SLC2A14: variants seen among roughly 807,000 people sequenced by gnomAD.
SLC2A14 encodes the protein solute carrier family 2, facilitated glucose transporter member 14.
SLC2A14 carries 13 observed loss-of-function variants against 43.0 expected under a neutral mutation model. That is an observed-to-expected ratio of 0.30 (90% confidence interval 0.20 to 0.48). The LOEUF is 0.48. SLC2A14 is among the 20% of genes least tolerant of loss of function. The probability of loss-of-function intolerance (pLI) is 0.99; values close to 1 mark genes in which losing one functional copy is unlikely to be tolerated. For missense variants in SLC2A14, 428 were observed against 620.4 expected, an observed-to-expected ratio of 0.69 and a Z score of 3.29; for synonymous variants, 190 against 233.8, an observed-to-expected ratio of 0.81 and a Z score of 1.71.
Position 7,829,904 on chromosome 12 carries a change from G to GCGGCC in SLC2A14, c.370_374dup (p.Leu126AlafsTer28). ...GTCCGCAGAAGAGGCCAATAACCAA[G>GCGGCC]CGGCCCAGGATCAGCATTTCAACTG... On this transcript the variant is annotated frameshift_variant, in exon 5 of 11. Coordinates refer to ENST00000431042, the MANE Select transcript of SLC2A14 (RefSeq NM_001286234.2). LOFTEE classifies it high-confidence loss of function. 1 of 1,614,192 alleles carries GCGGCC rather than the reference G, an allele frequency of 6.2e-7. No homozygotes were observed. The highest frequency in any genetic ancestry group is 8.5e-7 in the Non-Finnish European group (1 of 1,180,038).
intron 1 of SLC2A14, among the ~76,000 whole-genome samples, chr12:7,882,839 A>C (rs1055366088): frequency 6.6e-6 from 1 of 151,854 alleles, no homozygotes; most frequent in Non-Finnish European, 1.5e-5. Flanking sequence ...GTCTCAAAAA[A>C]ATTTGCTTGA....
upstream of SLC2A14, among the ~76,000 whole-genome samples, chr12:7,878,144 G>A (rs1283529367): frequency 6.6e-6 from 1 of 152,070 alleles, no homozygotes; most frequent in Admixed American, 6.6e-5. Flanking sequence ...TCTGCCTCCT[G>A]GGTTCAAGGA....
intron 1 of SLC2A14, chr12:7,872,031 T>G: frequency 2.5e-6 from 1 of 405,960 alleles, no homozygotes; most frequent in Non-Finnish European, 3.3e-6. Context: ...TAACTCAGAT[T>G]AATTCTTCTT....
rs972032956 is a variant in SLC2A14 at position 7,889,782 on chromosome 12, C to T, written c.132+1214G>A. 2.6e-5 allele frequency among the ~76,000 whole-genome samples: 4 copies of T among 152,186 alleles called. No individual in the cohort carries two copies. In the East Asian group the frequency reaches 7.7e-4, roughly 29 times the overall value. ...AACTCCTGACCTCAGGTGATCCACC[C>T]GCCTTGGCCTCCCAAAGTGCTGGGA... On this transcript the variant is annotated intron_variant, in intron 1 of 9. Coordinates refer to the SLC2A14 transcript ENST00000539924.
intron 2 of SLC2A14, among the ~76,000 whole-genome samples, chr12:7,858,131 C>T (rs1565558354): frequency 1.3e-5 from 2 of 152,128 alleles, no homozygotes; most frequent in East Asian, 3.9e-4. Context: ...AAACTCTTAT[C>T]TGAAAAAAAA....
chr12:7,869,985 C>T, intron 1 of SLC2A14, 48 bp from the exon 2 acceptor site: 2 of 1,232,850 alleles, frequency 1.6e-6, no homozygotes, highest in East Asian at 5.1e-5. Flanking sequence ...TCTACTTAAG[C>T]TCCTTGAGGG....
At chr12:7,882,088 G>C (rs755504192) in intron 1 of SLC2A14, among the ~76,000 whole-genome samples, 1 of 152,208 alleles carries the variant, frequency 6.6e-6, no homozygotes, top group Non-Finnish European at 1.5e-5. Flanking sequence ...TCTACACTTG[G>C]AGGCTTTGTT....
intron 1 of SLC2A14, among the ~76,000 whole-genome samples, chr12:7,883,963 G>A (rs761886317): frequency 3.4e-5 from 5 of 147,950 alleles, no homozygotes; most frequent in East Asian, 2.1e-4. Context: ...TTGGTCTGTC[G>A]CCCAGGCTGG....
At chr12:7,851,129 G>GT (rs1866908806) in intron 2 of SLC2A14, among the ~76,000 whole-genome samples, 1 of 152,252 alleles carries the variant, frequency 6.6e-6, no homozygotes, top group Middle Eastern at 3.4e-3. Flanking sequence ...GTTAGAAAAC[G>GT]TAAGTATCAG....
chr12:7,886,151 C>CATTTTTTTTTTTTTTTTT (rs1945684881), intron 1 of SLC2A14, among the ~76,000 whole-genome samples: 1 of 44,696 alleles, frequency 2.2e-5, no homozygotes, highest in Non-Finnish European at 3.9e-5. Flanking sequence ...GCCCGGACAG[C>CATTTTTTTTTTTTTTTTT]TTTTTTTTTT....
intron 2 of SLC2A14, among the ~76,000 whole-genome samples, chr12:7,861,668 C>T (rs1277867734): frequency 2.0e-5 from 3 of 151,820 alleles, no homozygotes; most frequent in Non-Finnish European, 4.4e-5. Flanking sequence ...TAAACTTTAA[C>T]TGAAAAAAAA....
At chr12:7,876,973 A>ATC (rs1294656039), upstream of SLC2A14, among the ~76,000 whole-genome samples, 1 of 149,072 alleles carries the variant, frequency 6.7e-6, no homozygotes, top group African/African-American at 2.5e-5. Flanking sequence ...GAATGGCAAG[A>ATC]TCTTGTTTTT....
intron 2 of SLC2A14, among the ~76,000 whole-genome samples, chr12:7,845,083 T>G (rs34925389): frequency 0.095 from 14,381 of 152,112 alleles, 769 homozygotes; most frequent in African/African-American, 0.14. Flanking sequence ...TTCTGATCCC[T>G]AGCCACGTTC....
At chr12:7,887,371 T>G (rs1945704316) in intron 1 of SLC2A14, among the ~76,000 whole-genome samples, 1 of 151,918 alleles carries the variant, frequency 6.6e-6, no homozygotes, top group South Asian at 2.1e-4. Context: ...CCACCAAAGA[T>G]TCCTATTCAG....
chr12:7,850,409 T>A (rs1056897242), intron 2 of SLC2A14, among the ~76,000 whole-genome samples: 1 of 152,146 alleles, frequency 6.6e-6, no homozygotes, highest in African/African-American at 2.4e-5. Flanking sequence ...TATTATTATT[T>A]TTTTGAGACG....
chr12:7,836,001 G>C (rs1865418702), intron 2 of SLC2A14, among the ~76,000 whole-genome samples: 1 of 152,100 alleles, frequency 6.6e-6, no homozygotes, highest in Admixed American at 6.6e-5. Context: ...ATCCTGAAGG[G>C]CCTAATCCCA....
intron 1 of SLC2A14, among the ~76,000 whole-genome samples, chr12:7,884,667 T>C (rs1945657945): frequency 6.6e-6 from 1 of 152,156 alleles, no homozygotes; most frequent in South Asian, 2.1e-4. Context: ...CTTCCTCAAC[T>C]CTGCCCACAT....
At chr12:7,842,344 A>T (rs772337555) in intron 2 of SLC2A14, among the ~76,000 whole-genome samples, 8 of 152,314 alleles carry the variant, frequency 5.3e-5, no homozygotes, top group Admixed American at 5.2e-4. Flanking sequence ...ATTCGTTTGC[A>T]GGTTTTCATG....
At chr12:7,831,026 A>G (rs1197066052) in intron 4 of SLC2A14, among the ~76,000 whole-genome samples, 1 of 151,046 alleles carries the variant, frequency 6.6e-6, no homozygotes, top group Non-Finnish European at 1.5e-5. Context: ...TGGGAGGCTG[A>G]GGCAGGATAA....
Sources: allele counts gnomAD v4.1 joint callset (sites outside exome capture counted in the v4.1 genomes callset), GRCh38; gene constraint gnomAD v4.1.1; transcripts MANE v1.5; gene names NCBI Gene and HGNC (gene_info 2026-07-23, HGNC 2026-07-21).